Variants in TNC observed in about 807,000 individuals in gnomAD.
TNC encodes the protein tenascin C.
Under a neutral mutation model 202.4 loss-of-function variants are expected in TNC, and 109 were observed. The observed-to-expected ratio is 0.54, with a 90% CI of 0.46 to 0.63. The LOEUF is 0.63. Ranked by LOEUF, TNC falls within the 30% of genes least tolerant of loss-of-function variation. The probability of loss-of-function intolerance (pLI) is 0.00; values close to 1 mark genes in which losing one functional copy is unlikely to be tolerated. For missense variants in TNC, 2,756 were observed against 2,833.3 expected (o/e 0.97, Z 0.62); for synonymous variants, 1,007 against 1,089.7 (o/e 0.92, Z 1.50).
chr9:115,082,021 T>C (rs1447361612), intron 5 of TNC, 93 bp from the exon 6 acceptor site: 1 of 1,275,122 alleles, frequency 7.8e-7, no homozygotes, highest in East Asian at 2.4e-5. Flanking sequence ...CATTCCTCTG[T>C]TATTCTTTCA....
rs780884731 is a variant in TNC at position 115,026,688 on chromosome 9, G to T, written c.6177C>A (p.Asp2059Glu). The T allele has an allele frequency of 4.3e-6, 7 of 1,613,758 alleles. No individual in the cohort carries two copies. In the East Asian group the frequency reaches 6.7e-5, roughly 15 times the overall value. ...DRREEFWLGL[D>E]NLNKITAQGQ... ...CCTGGGCTGTGATTTTGTTCAGGTT[G>T]TCCAGCCCTGTGGATGACAGGCAAG... Residue 2059 changes from aspartate (D) to glutamate (E), a missense_variant, in exon 26 of 28, where the codon GAC becomes GAA. By Grantham distance (45) the Asp-to-Glu change is conservative. Transcript: ENST00000350763.
chr9:115,062,328 A>G (rs535039711), intron 13 of TNC, among the ~76,000 whole-genome samples: 1 of 152,220 alleles, frequency 6.6e-6, no homozygotes, highest in East Asian at 1.9e-4. Flanking sequence ...GAATAGAGGT[A>G]GGGCACGCTG....
chr9:115,086,308 G>A lies in TNC; in HGVS notation c.1423C>T (p.His475Tyr). 2 of 1,614,124 alleles carry A rather than the reference G, an allele frequency of 1.2e-6. No individual in the cohort carries two copies. The highest frequency in any genetic ancestry group is 1.7e-6 in the Non-Finnish European group (2 of 1,180,020). The change falls in exon 3 of 28, where the codon CAC becomes TAC. Residue 475 changes from histidine (H) to tyrosine (Y), a missense_variant. Physicochemically the swap from His to Tyr is moderately conservative, Grantham distance 83. Transcript: ENST00000350763. The part of the protein sequence containing the change: ...CSDMSCPNDC[H>Y]QHGRCVNGMC... ...CCATTCACACAGCGGCCGTGCTGGT[G>A]ACAGTCATTAGGGCAGCTCATGTCA...
intron 3 of TNC, among the ~76,000 whole-genome samples, chr9:115,085,020 A>G (rs1834600497): frequency 6.6e-6 from 1 of 152,148 alleles, no homozygotes; most frequent in Non-Finnish European, 1.5e-5. Context: ...CCATTTATTT[A>G]TGTTTAGATA....
At chr9:115,092,379 A>C (rs1835297731) in intron 1 of TNC, among the ~76,000 whole-genome samples, 1 of 152,202 alleles carries the variant, frequency 6.6e-6, no homozygotes, top group Admixed American at 6.5e-5. Context: ...ATCAGGTAGC[A>C]GAGAAAAGGG....
intron 4 of TNC, among the ~76,000 whole-genome samples, chr9:115,083,619 T>C (rs896948954): frequency 6.1e-5 from 9 of 148,394 alleles, no homozygotes; most frequent in African/African-American, 2.3e-4. Flanking sequence ...TTTTTTTTTT[T>C]TCTTGAGACA....
chr9:115,056,690 C>G (rs1198195774), intron 15 of TNC, among the ~76,000 whole-genome samples: 5 of 152,002 alleles, frequency 3.3e-5, no homozygotes, highest in African/African-American at 1.2e-4. Context: ...AAAAAAATAC[C>G]CAACACCATC....
At chr9:115,046,069 C>T (rs529126626) in intron 17 of TNC, among the ~76,000 whole-genome samples, 41 of 142,552 alleles carry the variant, frequency 2.9e-4, no homozygotes, top group African/African-American at 9.1e-4. Flanking sequence ...ATCTTTGGAA[C>T]GTAAAAAAAA....
Position 115,026,764 on chromosome 9 carries a change from T to C in TNC, c.6170-69A>G, listed in dbSNP as rs1177756617. ...AGGCCCTCATTTCTATTTCACTCTG[T>C]AAAAGCGGCAACTGGGTACACTTAA... On this transcript the variant is annotated intron_variant, in intron 25 of 27. Coordinates refer to ENST00000350763, the MANE Select transcript of TNC (RefSeq NM_002160.4). 2.4e-5 allele frequency: 36 copies of C among 1,529,252 alleles called. No individual in the cohort carries two copies. In the South Asian group the frequency reaches 3.7e-4, roughly 16 times the overall value. 94.7% of individuals were successfully genotyped at this position (1,529,252 alleles called of 1,614,324 possible). A position where few individuals can be genotyped will look rare whatever the true frequency, so the allele number is the denominator to read the frequency against.
intron 13 of TNC, among the ~76,000 whole-genome samples, chr9:115,061,429 A>G (rs1465197076): frequency 6.6e-6 from 1 of 152,172 alleles, no homozygotes; most frequent in Non-Finnish European, 1.5e-5. Flanking sequence ...CATTTGCAAA[A>G]GGAGTTGTAC....
At chr9:115,083,573 TAC>T (rs1834471339) in intron 4 of TNC, among the ~76,000 whole-genome samples, 1 of 151,428 alleles carries the variant, frequency 6.6e-6, no homozygotes, top group Non-Finnish European at 1.5e-5. Flanking sequence ...TCCTATTTCA[TAC>T]ATATACTAAC....
chr9:115,086,324 G>C lies in TNC; in HGVS notation c.1407C>G (p.Ser469Arg), dbSNP rs200788998. 5.0e-6 allele frequency: 8 copies of C among 1,614,068 alleles called. No homozygotes were observed. The African/African-American group carries it at 9.3e-5, about 19-fold the overall frequency. Residue 469 changes from serine (S) to arginine (R), a missense_variant, in exon 3 of 28, where the codon AGC becomes AGG. By Grantham distance (110) the Ser-to-Arg change is moderately radical. Transcript: ENST00000350763. Reference protein sequence around the residue: ...GFKGYDCSDMSCPNDCHQHGR... With the variant: ...GFKGYDCSDMRCPNDCHQHGR... ...CGTGCTGGTGACAGTCATTAGGGCAGCTCATGTCACTGCAGTCATAGCCCT... is the reference window on the plus strand; with the variant it reads ...CGTGCTGGTGACAGTCATTAGGGCACCTCATGTCACTGCAGTCATAGCCCT...
At chr9:115,042,567 T>A (rs1830846156) in intron 17 of TNC, among the ~76,000 whole-genome samples, 1 of 152,200 alleles carries the variant, frequency 6.6e-6, no homozygotes, top group African/African-American at 2.4e-5. Flanking sequence ...TCATTTGGTC[T>A]AATTCAAGGG....
At chr9:115,110,745 C>T (rs942628703) in intron 1 of TNC, among the ~76,000 whole-genome samples, 1 of 152,176 alleles carries the variant, frequency 6.6e-6, no homozygotes, top group African/African-American at 2.4e-5. Flanking sequence ...CCGTGAAAGG[C>T]CCCTCCCTGG....
intron 1 of TNC, among the ~76,000 whole-genome samples, chr9:115,111,270 A>T (rs1457907977): frequency 2.0e-5 from 3 of 151,934 alleles, no homozygotes; most frequent in African/African-American, 7.3e-5. Flanking sequence ...CCTCCCCTTG[A>T]GTGTGGGATG....
At chr9:115,059,700 G>A in intron 14 of TNC, 30 bp downstream of exon 14, 1 of 1,546,234 alleles carries the variant, frequency 6.5e-7, no homozygotes, top group Non-Finnish European at 8.7e-7. Context: ...AGAACCTTGG[G>A]GAGAAAGCAT....
chr9:115,074,719 T>C (rs1564098603), intron 9 of TNC, among the ~76,000 whole-genome samples: 1 of 152,204 alleles, frequency 6.6e-6, no homozygotes, highest in Admixed American at 6.5e-5. Context: ...GGGATTCTTG[T>C]AGTAAGACTG....
chr9:115,037,143 C>A (rs544345376), intron 20 of TNC, among the ~76,000 whole-genome samples: 1 of 152,316 alleles, frequency 6.6e-6, no homozygotes, highest in South Asian at 2.1e-4. Context: ...CAGTTCCCCA[C>A]CCCTACCTGT....
At chr9:115,078,786 G>C (rs1834078079) in intron 6 of TNC, among the ~76,000 whole-genome samples, 1 of 152,114 alleles carries the variant, frequency 6.6e-6, no homozygotes, top group Non-Finnish European at 1.5e-5. Flanking sequence ...GGCTCATCTT[G>C]ACTTTTTCTG....
Sources: allele counts gnomAD v4.1 joint callset (sites outside exome capture counted in the v4.1 genomes callset), GRCh38; gene constraint gnomAD v4.1.1; transcripts MANE v1.5; gene names NCBI Gene and HGNC (gene_info 2026-07-23, HGNC 2026-07-21).